DYNC2H1: variants seen among roughly 807,000 people sequenced by gnomAD.
The protein encoded by DYNC2H1 is cytoplasmic dynein 2 heavy chain 1.
Under a neutral mutation model 570.0 loss-of-function variants are expected in DYNC2H1, and 410 were observed. That is an observed-to-expected ratio of 0.72 (90% CI 0.66 to 0.78). The LOEUF (loss-of-function observed/expected upper bound fraction) is 0.78. Among genes scored for constraint, DYNC2H1 ranks in the 30% least tolerant of loss-of-function variants. DYNC2H1 has a pLI of 0.00. For synonymous variants in DYNC2H1, 1,688 were observed against 1,677.6 expected (o/e 1.01, Z -0.15); for missense variants, 4,865 against 5,046.4 (o/e 0.96, Z 1.09).
chr11:103,254,803 G>A lies in DYNC2H1; in HGVS notation c.10207-612G>A, dbSNP rs1028193562. 6.6e-6 allele frequency among the ~76,000 whole-genome samples: 1 copy of A among 151,844 alleles called. No homozygotes were observed. The highest frequency in any genetic ancestry group is 1.5e-5 in the Non-Finnish European group (1 of 67,962). ...TTTTATTTTTTTGAGACGGAGTCTG[G>A]CACTGTTGCCCAGGCTGGAGTGCAA... On this transcript the variant is annotated intron_variant, in intron 66 of 88. Coordinates refer to ENST00000375735, the MANE Select transcript of DYNC2H1 (RefSeq NM_001377.3). The surrounding 1 kb of genome is among the most constrained non-coding windows in gnomAD (Gnocchi z 4.9).
intron 6 of DYNC2H1, among the ~76,000 whole-genome samples, chr11:103,120,188 A>C (rs1344934670): frequency 6.6e-6 from 1 of 152,308 alleles, no homozygotes; most frequent in East Asian, 1.9e-4. Context: ...ACATAGTTTA[A>C]AAATGTTTAG....
chr11:103,399,557 G>GT, intron 83 of DYNC2H1, 106 bp from the exon 84 acceptor site: 1 of 775,234 alleles, frequency 1.3e-6, no homozygotes. Context: ...TTTCAAAATA[G>GT]TTTTTAAAAC....
intron 84 of DYNC2H1, among the ~76,000 whole-genome samples, chr11:103,423,250 A>G (rs568366037): frequency 9.8e-4 from 75 of 76,808 alleles, no homozygotes; most frequent in African/African-American, 3.2e-3. Context: ...GAATGGAAGG[A>G]ATCAGTGGAG....
Position 103,140,013 on chromosome 11 carries a change from T to C in DYNC2H1, c.2575-3255T>C, listed in dbSNP as rs1488161579. ...TTGATCTTTGTTGGTTTAAAGTCTG[T>C]TTTATCAGAGACTAGGATTGCAACC... is the stretch of plus-strand genomic sequence containing the variant. On this transcript the variant is annotated intron_variant, in intron 17 of 88. Coordinates refer to ENST00000375735, the MANE Select transcript of DYNC2H1 (RefSeq NM_001377.3). Among the ~76,000 whole-genome samples, 6 of 152,282 alleles carry C rather than the reference T, an allele frequency of 3.9e-5. No individual in the cohort carries two copies. The East Asian group carries it at 1.2e-3, about 29-fold the overall frequency.
At chr11:103,274,065 TC>T (rs535217436) in intron 70 of DYNC2H1, among the ~76,000 whole-genome samples, 111 of 152,138 alleles carry the variant, frequency 7.3e-4, no homozygotes, top group Admixed American at 1.6e-3. Context: ...TTGTTCTTCC[TC>T]AGTACAAGTG....
At chr11:103,323,471 AATAT>A (rs3989921) in intron 81 of DYNC2H1, among the ~76,000 whole-genome samples, 5 of 148,480 alleles carry the variant, frequency 3.4e-5, no homozygotes, top group East Asian at 2.0e-4. Context: ...TGAATATATA[AATAT>A]ATATATATAT....
Position 103,133,548 on chromosome 11 carries a change from A to G in DYNC2H1, c.1954-7A>G. The G allele has an allele frequency of 1.2e-6, 2 of 1,602,554 alleles. No homozygotes were observed. Among genetic ancestry groups the G allele is most frequent in the South Asian group, 2.3e-5 (2 of 87,484 alleles). ...ATACATACTAAAGGTTATTTATTGT[A>G]CCATAGAATTCAAAAGCAGGAAGTG... On this transcript the variant is annotated splice_polypyrimidine_tract_variant and splice_region_variant and intron_variant, in intron 13 of 88. Transcript: ENST00000375735. The surrounding 1 kb of genome is among the most constrained non-coding windows in gnomAD (Gnocchi z 4.8).
At chr11:103,400,673 G>GC (rs1645982158) in intron 84 of DYNC2H1, among the ~76,000 whole-genome samples, 2 of 148,242 alleles carry the variant, frequency 1.3e-5, no homozygotes, top group African/African-American at 5.0e-5. Context: ...TTTTTTTCAC[G>GC]CCCCCTTGCT....
intron 36 of DYNC2H1, among the ~76,000 whole-genome samples, chr11:103,176,014 T>A (rs1861792486): frequency 6.6e-6 from 1 of 152,136 alleles, no homozygotes; most frequent in African/African-American, 2.4e-5. Flanking sequence ...ATCTGAATTC[T>A]ATGGGAAAGA....
At chr11:103,291,434 T>A (rs1353036198) in intron 75 of DYNC2H1, among the ~76,000 whole-genome samples, 1 of 136,396 alleles carries the variant, frequency 7.3e-6, no homozygotes, top group Non-Finnish European at 1.6e-5. Flanking sequence ...CAAGCCTCCA[T>A]CTCAATAAAT....
At chr11:103,141,165 C>T (rs963519838) in intron 17 of DYNC2H1, among the ~76,000 whole-genome samples, 4 of 152,164 alleles carry the variant, frequency 2.6e-5, no homozygotes, top group African/African-American at 9.7e-5. Flanking sequence ...CCTCCTGTAG[C>T]TCAGAGTAAT....
rs1378267688 is a variant in DYNC2H1 at position 103,363,910 on chromosome 11, C to T, written c.12156+5551C>T. Among the ~76,000 whole-genome samples, 1 of 152,128 alleles carries T rather than the reference C, an allele frequency of 6.6e-6. No homozygotes were observed. Among genetic ancestry groups the T allele is most frequent in the African/African-American group, 2.4e-5 (1 of 41,432 alleles). The stretch of plus-strand genomic sequence containing the variant: ...ATGGAGCCAAGGACTCACAAAAACT[C>T]ATGACAGATAGCATTATGACTTCCC... On this transcript the variant is annotated intron_variant, in intron 83 of 88. Coordinates refer to ENST00000375735, the MANE Select transcript of DYNC2H1 (RefSeq NM_001377.3). This position sits in a 1 kb window ranked among gnomAD's most constrained non-coding sequence, Gnocchi z 5.6.
At chr11:103,331,729 C>G (rs1349923914) in intron 82 of DYNC2H1, among the ~76,000 whole-genome samples, 1 of 152,116 alleles carries the variant, frequency 6.6e-6, no homozygotes, top group African/African-American at 2.4e-5. Flanking sequence ...TTGGAACTAC[C>G]TAACAGAAAA....
chr11:103,220,953 A>G (rs1863563018), intron 57 of DYNC2H1, among the ~76,000 whole-genome samples, 170 bp downstream of exon 57: 1 of 152,172 alleles, frequency 6.6e-6, no homozygotes, highest in South Asian at 2.1e-4. Context: ...ATCAAGATCT[A>G]TATATTCCTT....
intron 3 of DYNC2H1, 99 bp from the exon 4 acceptor site, chr11:103,115,078 G>A: frequency 2.7e-6 from 2 of 753,836 alleles, no homozygotes; most frequent in Non-Finnish European, 4.5e-6. Flanking sequence ...AGGAGCATAT[G>A]TGTTAGATGA....
At chr11:103,441,270 T>G (rs1944259221) in intron 85 of DYNC2H1, among the ~76,000 whole-genome samples, 1 of 152,030 alleles carries the variant, frequency 6.6e-6, no homozygotes, top group Non-Finnish European at 1.5e-5. Context: ...GCAAGGAAGC[T>G]TCCTTACCTC....
At chr11:103,341,835 C>T (rs530428412) in intron 82 of DYNC2H1, among the ~76,000 whole-genome samples, 20 of 152,282 alleles carry the variant, frequency 1.3e-4, no homozygotes, top group Non-Finnish European at 2.5e-4. Context: ...TAATGTTGTG[C>T]ACTTGTAAAC....
At chr11:103,285,960 T>G (rs1030333284) in intron 73 of DYNC2H1, among the ~76,000 whole-genome samples, 1 of 152,294 alleles carries the variant, frequency 6.6e-6, no homozygotes, top group Non-Finnish European at 1.5e-5. Context: ...ATGACAGCAC[T>G]TGTTTCCTTC....
chr11:103,340,080 T>C (rs966804153), intron 82 of DYNC2H1, among the ~76,000 whole-genome samples: 1 of 152,248 alleles, frequency 6.6e-6, no homozygotes, highest in African/African-American at 2.4e-5. Flanking sequence ...TTATCCTTCC[T>C]ACCCTTTTAA....
Sources: allele counts gnomAD v4.1 joint callset (sites outside exome capture counted in the v4.1 genomes callset), GRCh38; gene constraint gnomAD v4.1.1; non-coding constraint Gnocchi (gnomAD v3.1); transcripts MANE v1.5; gene names NCBI Gene and HGNC (gene_info 2026-07-23, HGNC 2026-07-21).